FAF1: variants seen among roughly 807,000 people sequenced by gnomAD.
The protein encoded by FAF1 is Fas associated factor 1.
Under a neutral mutation model 92.5 loss-of-function variants are expected in FAF1, and 25 were observed. The ratio of observed to expected loss-of-function variants is 0.27; its 90% CI spans 0.20 to 0.38. The LOEUF (loss-of-function observed/expected upper bound fraction) is 0.38, where lower values mean the gene tolerates loss of function less well. Ranked by LOEUF, FAF1 falls within the 10% of genes least tolerant of loss-of-function variation. The pLI, the probability that FAF1 is intolerant of heterozygous loss-of-function variation, is 1.00. For synonymous variants in FAF1, 234 were observed against 273.2 expected (o/e 0.86, Z 1.42); for missense variants, 636 against 793.3 (o/e 0.80, Z 2.38).
At chr1:50,812,814 A>G (rs1312176320) in intron 2 of FAF1, among the ~76,000 whole-genome samples, 1 of 152,206 alleles carries the variant, frequency 6.6e-6, no homozygotes, top group East Asian at 1.9e-4. Context: ...AAGACATGGA[A>G]TCAACCTAAA....
intron 12 of FAF1, among the ~76,000 whole-genome samples, chr1:50,572,631 CA>C (rs1311426078): frequency 6.6e-6 from 1 of 152,216 alleles, no homozygotes; most frequent in African/African-American, 2.4e-5. Flanking sequence ...TATCTGGATT[CA>C]AATTCCTGCT....
At chr1:50,799,816 G>C (rs1014747080) in intron 3 of FAF1, among the ~76,000 whole-genome samples, 1 of 152,134 alleles carries the variant, frequency 6.6e-6, no homozygotes, top group Non-Finnish European at 1.5e-5. Context: ...TTAACTGCCT[G>C]CATATACCAT....
At chr1:50,955,579 G>A (rs574468672) in intron 1 of FAF1, among the ~76,000 whole-genome samples, 1 of 152,130 alleles carries the variant, frequency 6.6e-6, no homozygotes, top group Non-Finnish European at 1.5e-5. Flanking sequence ...CAATATGACA[G>A]TTCCTCAAAA....
intron 8 of FAF1, among the ~76,000 whole-genome samples, chr1:50,621,689 T>C (rs1569601548): frequency 1.3e-5 from 2 of 151,976 alleles, no homozygotes; most frequent in East Asian, 3.9e-4. Context: ...AGTGAGGCAC[T>C]GCACCTGGCC....
chr1:50,915,972 GA>G (rs1644916109), intron 1 of FAF1, among the ~76,000 whole-genome samples: 1 of 151,928 alleles, frequency 6.6e-6, no homozygotes, highest in Non-Finnish European at 1.5e-5. Context: ...TGTTCCCAAA[GA>G]AAAAAGCGAA....
chr1:50,690,278 A>G (rs1000313516), intron 7 of FAF1, among the ~76,000 whole-genome samples: 1 of 151,560 alleles, frequency 6.6e-6, no homozygotes, highest in African/African-American at 2.4e-5. Flanking sequence ...GAGCCACCGC[A>G]CCCGGCAAAT....
chr1:50,896,236 G>T (rs559496068), intron 1 of FAF1, among the ~76,000 whole-genome samples: 1 of 152,116 alleles, frequency 6.6e-6, no homozygotes, highest in Non-Finnish European at 1.5e-5. Context: ...GGTGAGCCAT[G>T]ATTGCACCAC....
intron 1 of FAF1, among the ~76,000 whole-genome samples, chr1:50,955,004 C>G (rs996570006): frequency 6.6e-6 from 1 of 151,968 alleles, no homozygotes; most frequent in Admixed American, 6.6e-5. Flanking sequence ...CCTGTCTCGC[C>G]AAAAAGAAAG....
intron 9 of FAF1, among the ~76,000 whole-genome samples, chr1:50,588,426 T>C (rs1651343562): frequency 6.6e-6 from 1 of 152,206 alleles, no homozygotes; most frequent in African/African-American, 2.4e-5. Context: ...GATCCTTGTA[T>C]TCTTGCAAAG....
intron 1 of FAF1, among the ~76,000 whole-genome samples, chr1:50,879,083 T>C (rs1050613984): frequency 3.3e-5 from 5 of 152,110 alleles, no homozygotes; most frequent in African/African-American, 1.2e-4. Context: ...CCGTCTCTCC[T>C]AGAAATACAA....
At chr1:50,551,981 T>C (rs1224293988) in intron 13 of FAF1, among the ~76,000 whole-genome samples, 1 of 152,176 alleles carries the variant, frequency 6.6e-6, no homozygotes. Flanking sequence ...ATGAATGTAG[T>C]TTTATCTCCA....
chr1:50,884,724 G>A (rs1477034151), intron 1 of FAF1, among the ~76,000 whole-genome samples: 1 of 151,380 alleles, frequency 6.6e-6, no homozygotes, highest in Admixed American at 6.6e-5. Flanking sequence ...AGTTTTTTTT[G>A]GTTTGTTTTT....
chr1:50,939,092 T>C (rs1645109794), intron 1 of FAF1, among the ~76,000 whole-genome samples: 1 of 152,206 alleles, frequency 6.6e-6, no homozygotes, highest in African/African-American at 2.4e-5. Flanking sequence ...GTTTTTTTAG[T>C]TTTGTTAAAA....
chr1:50,959,745 G>T, intron 1 of FAF1, 22 bp downstream of exon 1: 1 of 1,596,744 alleles, frequency 6.3e-7, no homozygotes, highest in Non-Finnish European at 8.5e-7. Context: ...AAGTGGGAGG[G>T]GAAGAGGGCC....
chr1:50,825,899 G>A (rs922120518), intron 2 of FAF1, among the ~76,000 whole-genome samples: 1 of 152,034 alleles, frequency 6.6e-6, no homozygotes, highest in Non-Finnish European at 1.5e-5. Context: ...TGAAAATCAA[G>A]CAGTATACCT....
chr1:50,669,859 C>T (rs1211183234), intron 7 of FAF1, among the ~76,000 whole-genome samples: 1 of 152,172 alleles, frequency 6.6e-6, no homozygotes, highest in Non-Finnish European at 1.5e-5. Context: ...CAGTGGCTCA[C>T]GCCTGTAATC....
At chr1:50,773,238 C>T (rs1270600475) in intron 4 of FAF1, among the ~76,000 whole-genome samples, 1 of 152,224 alleles carries the variant, frequency 6.6e-6, no homozygotes, top group Non-Finnish European at 1.5e-5. Flanking sequence ...TGCATCACTG[C>T]ATTCTAGCCT....
At chr1:50,869,752 T>C (rs149484175) in intron 1 of FAF1, among the ~76,000 whole-genome samples, 1,562 of 152,308 alleles carry the variant, frequency 0.01, 107 homozygotes, top group Admixed American at 0.096. Flanking sequence ...ACTTTTAGAT[T>C]CTTTATAAAA....
chr1:50,446,103 G>A (rs771283598), intron 18 of FAF1, among the ~76,000 whole-genome samples: 2 of 152,088 alleles, frequency 1.3e-5, no homozygotes, highest in South Asian at 2.1e-4. Flanking sequence ...TTGGGGTTGT[G>A]GGGGGGAAGC....
Sources: allele counts gnomAD v4.1 joint callset (sites outside exome capture counted in the v4.1 genomes callset), GRCh38; gene constraint gnomAD v4.1.1; transcripts MANE v1.5; gene names NCBI Gene and HGNC (gene_info 2026-07-23, HGNC 2026-07-21).